The following ZNF146 variants were observed in gnomAD, a reference collection of about 807,000 sequenced individuals.
ZNF146 encodes the protein zinc finger protein OZF.
Under a neutral mutation model 22.2 loss-of-function variants are expected in ZNF146, and 9 were observed. That is an observed-to-expected ratio of 0.41 (90% CI 0.24 to 0.71). The LOEUF (loss-of-function observed/expected upper bound fraction) is 0.71. Ranked by LOEUF, ZNF146 falls within the 30% of genes least tolerant of loss-of-function variation. The pLI is 0.34. For missense variants in ZNF146, 194 were observed against 344.8 expected (o/e 0.56, Z 3.46); for synonymous variants, 108 against 119.2 (o/e 0.91, Z 0.61).
At position 36,218,152 on chromosome 19, in the gene ZNF146, G is replaced by C. The variant is rs1014128275; in HGVS notation, c.-898G>C. The C allele has an allele frequency of 4.9e-5, 7 of 141,708 alleles. No homozygotes were observed. The highest frequency in any genetic ancestry group is 3.0e-5 in the Non-Finnish European group (2 of 66,348). 8.8% of individuals were successfully genotyped at this position (141,708 alleles called of 1,614,324 possible). ...CATAGGCCAAGGAGCCAGACTTCCTGTGTTAACTCCTTCCTCTGCCACTTT... is the reference window on the plus strand; with the variant it reads ...CATAGGCCAAGGAGCCAGACTTCCTCTGTTAACTCCTTCCTCTGCCACTTT... On this transcript the variant is annotated 5_prime_UTR_variant, in exon 2 of 4. Transcript: ENST00000443387.
intron 1 of ZNF146, among the ~76,000 whole-genome samples, chr19:36,217,832 CAG>C (rs1976673912): frequency 1.3e-5 from 2 of 149,420 alleles, no homozygotes; most frequent in African/African-American, 4.9e-5. Context: ...TTGCAGTGAA[CAG>C]AGATTGCGCC....
intron 3 of ZNF146, among the ~76,000 whole-genome samples, chr19:36,234,693 G>A (rs1977570229): frequency 1.3e-5 from 2 of 152,146 alleles, no homozygotes; most frequent in African/African-American, 2.4e-5. Flanking sequence ...CACTGCGCCC[G>A]GCCAGCCAGC....
In ZNF146 at chr19:36,237,014, G is replaced by A. The variant is rs1243778365; in HGVS notation, c.574G>A (p.Ala192Thr). Residue 192 changes from alanine to threonine, a missense_variant, in exon 4 of 4, where the codon GCC becomes ACC. Around this residue, in one of 2 missense-constraint regions of ZNF146, gnomAD observed 147 missense variants for 300.1 expected, o/e 0.49. Coordinates refer to ENST00000443387, the MANE Select transcript of ZNF146 (RefSeq NM_007145.3). Reference protein sequence around the residue: ...KPYECNECGKAFSQRTSLIVH... With the variant: ...KPYECNECGKTFSQRTSLIVH... The stretch of plus-strand genomic sequence containing the variant: ...CTATGAATGTAACGAATGTGGAAAA[G>A]CCTTCTCTCAGCGAACATCACTTAT... The A allele has an allele frequency of 6.2e-7, 1 of 1,614,198 alleles. No homozygotes were observed. The highest frequency in any genetic ancestry group is 2.2e-5 in the East Asian group (1 of 44,880).
At chr19:36,218,812 T>G (rs1976719248) in intron 2 of ZNF146, among the ~76,000 whole-genome samples, 1 of 146,562 alleles carries the variant, frequency 6.8e-6, no homozygotes, top group African/African-American at 2.5e-5. Context: ...ATTTTCTTTT[T>G]TTTTGGTGGA....
intron 1 of ZNF146, among the ~76,000 whole-genome samples, chr19:36,217,089 G>GTC (rs980258968): frequency 4.6e-5 from 5 of 107,606 alleles, no homozygotes; most frequent in African/African-American, 1.1e-4. Flanking sequence ...TTGAGATGGA[G>GTC]TCTCTCTCTC....
At chr19:36,222,617 C>A (rs1244972490) in intron 2 of ZNF146, among the ~76,000 whole-genome samples, 1 of 151,590 alleles carries the variant, frequency 6.6e-6, no homozygotes, top group Non-Finnish European at 1.5e-5. Flanking sequence ...TACATCCCTT[C>A]TTATGAATGA....
chr19:36,233,431 A>C (rs1335190647), intron 3 of ZNF146, among the ~76,000 whole-genome samples: 1 of 152,114 alleles, frequency 6.6e-6, no homozygotes, highest in Non-Finnish European at 1.5e-5. Context: ...AGAAAGAGAC[A>C]CAGAAACAAA....
chr19:36,227,462 C>T (rs2050402682), intron 2 of ZNF146, among the ~76,000 whole-genome samples: 1 of 150,978 alleles, frequency 6.6e-6, no homozygotes, highest in Non-Finnish European at 1.5e-5. Flanking sequence ...CATGTATTTG[C>T]AGCCTGGAAG....
intron 2 of ZNF146, among the ~76,000 whole-genome samples, chr19:36,219,560 G>A (rs1006266398): frequency 1.1e-4 from 16 of 152,062 alleles, no homozygotes; most frequent in African/African-American, 3.9e-4. Flanking sequence ...CATCAGAGGT[G>A]ATCTTACATA....
chr19:36,234,251 A>G (rs1364686703), intron 3 of ZNF146, among the ~76,000 whole-genome samples: 2 of 152,188 alleles, frequency 1.3e-5, no homozygotes, highest in Non-Finnish European at 2.9e-5. Context: ...TTTTCTTAGT[A>G]CAGAACAAAA....
At chr19:36,217,055 CTTTTTTTTTTT>C (rs752632008) in intron 1 of ZNF146, among the ~76,000 whole-genome samples, 7 of 65,878 alleles carry the variant, frequency 1.1e-4, no homozygotes, top group African/African-American at 4.5e-4. Context: ...CAGTCCCTGT[CTTTTTTTTTTT>C]TTTTTTTTTT....
chr19:36,229,507 C>CAAA, intron 3 of ZNF146, among the ~76,000 whole-genome samples: 1 of 152,274 alleles, frequency 6.6e-6, no homozygotes, highest in South Asian at 2.1e-4. Context: ...CTTAGTCCTG[C>CAAA]AGTTTTTTTG....
chr19:36,215,379 G>C (rs1356659001), intron 1 of ZNF146, among the ~76,000 whole-genome samples, 183 bp downstream of exon 1: 1 of 152,106 alleles, frequency 6.6e-6, no homozygotes, highest in Admixed American at 6.5e-5. Flanking sequence ...CTCAAAGTTT[G>C]ACCTGATGTT....
At chr19:36,226,035 G>A (rs1977052980) in intron 2 of ZNF146, among the ~76,000 whole-genome samples, 1 of 152,118 alleles carries the variant, frequency 6.6e-6, no homozygotes, top group African/African-American at 2.4e-5. Flanking sequence ...TTCCCAAAGT[G>A]CTGGGATTAG....
At chr19:36,234,858 A>G (rs1422846416) in intron 3 of ZNF146, among the ~76,000 whole-genome samples, 1 of 152,130 alleles carries the variant, frequency 6.6e-6, no homozygotes, top group East Asian at 1.9e-4. Context: ...CTTCCATTTC[A>G]TATGAAGGTG....
At chr19:36,221,927 C>CTTTTTTTTTTTTTTT (rs60347994) in intron 2 of ZNF146, among the ~76,000 whole-genome samples, 2 of 109,910 alleles carry the variant, frequency 1.8e-5, no homozygotes, top group East Asian at 2.8e-4. Flanking sequence ...TTTTTTCTTT[C>CTTTTTTTTTTTTTTT]TTTTTTTTTT....
At chr19:36,231,330 C>T (rs577253896) in intron 3 of ZNF146, among the ~76,000 whole-genome samples, 1 of 152,258 alleles carries the variant, frequency 6.6e-6, no homozygotes, top group African/African-American at 2.4e-5. Flanking sequence ...CTGCCTCAGC[C>T]TCCTGAGTAG....
At chr19:36,221,144 CT>C (rs1976817479) in intron 2 of ZNF146, among the ~76,000 whole-genome samples, 1 of 152,106 alleles carries the variant, frequency 6.6e-6, no homozygotes, top group South Asian at 2.1e-4. Context: ...CTGAGCCCAG[CT>C]TTTAAAATGC....
At chr19:36,228,271 T>TC (rs34121025) in intron 2 of ZNF146, among the ~76,000 whole-genome samples, 95,986 of 151,622 alleles carry the variant, frequency 0.63, 30,566 homozygotes, top group Middle Eastern at 0.71. Context: ...CAGAACAACT[T>TC]CTTCACATTG....
Sources: allele counts gnomAD v4.1 joint callset (sites outside exome capture counted in the v4.1 genomes callset), GRCh38; gene constraint gnomAD v4.1.1; regional missense constraint gnomAD v4.1.1; transcripts MANE v1.5; gene names NCBI Gene and HGNC (gene_info 2026-07-23, HGNC 2026-07-21).